TMEM178B: variants seen among roughly 807,000 people sequenced by gnomAD.
TMEM178B encodes transmembrane protein 178B.
In TMEM178B, 5 loss-of-function variants were observed where a neutral mutation model predicts 31.0. The ratio of observed to expected loss-of-function variants is 0.16; its 90% CI spans 0.08 to 0.34. The LOEUF (loss-of-function observed/expected upper bound fraction) is 0.34, where lower values mean the gene tolerates loss of function less well. Among genes scored for constraint, TMEM178B ranks in the 10% least tolerant of loss-of-function variants. The pLI, the probability that TMEM178B is intolerant of heterozygous loss-of-function variation, is 1.00. For missense variants in TMEM178B, 275 were observed against 400.3 expected (o/e 0.69, Z 2.67); for synonymous variants, 164 against 164.0 (o/e 1.00, Z 0.00).
At chr7:141,139,788 A>C (rs913708424) in intron 1 of TMEM178B, among the ~76,000 whole-genome samples, 2 of 150,238 alleles carry the variant, frequency 1.3e-5, no homozygotes, top group African/African-American at 4.9e-5. Flanking sequence ...TTTGAGACAG[A>C]GTCTCTCACT....
At chr7:141,157,351 C>T (rs945678300) in intron 1 of TMEM178B, among the ~76,000 whole-genome samples, 1 of 152,080 alleles carries the variant, frequency 6.6e-6, no homozygotes, top group Non-Finnish European at 1.5e-5. Context: ...GGAGCTTCCT[C>T]ATTTTATAGA....
At chr7:141,251,008 A>G (rs891094879) in intron 2 of TMEM178B, among the ~76,000 whole-genome samples, 7 of 151,968 alleles carry the variant, frequency 4.6e-5, no homozygotes, top group Non-Finnish European at 1.5e-5. Flanking sequence ...ATTCAACTCT[A>G]TGTTTCCCTA....
intron 1 of TMEM178B, among the ~76,000 whole-genome samples, chr7:141,170,312 A>G (rs1041387266): frequency 6.6e-6 from 1 of 152,228 alleles, no homozygotes; most frequent in Non-Finnish European, 1.5e-5. Flanking sequence ...CCTTCCATTT[A>G]TAATGAGTAA....
chr7:141,182,874 G>A (rs913294959), intron 1 of TMEM178B, among the ~76,000 whole-genome samples: 2 of 152,198 alleles, frequency 1.3e-5, no homozygotes, highest in African/African-American at 4.8e-5. Flanking sequence ...TAGCCATGCT[G>A]AACTGTGAAT....
intron 1 of TMEM178B, among the ~76,000 whole-genome samples, chr7:141,115,244 C>T (rs1402348741): frequency 6.6e-6 from 1 of 151,586 alleles, no homozygotes; most frequent in African/African-American, 2.4e-5. Flanking sequence ...GGCAGGGTTT[C>T]AGGCCAGGCT....
At chr7:141,097,701 A>G (rs1392702915) in intron 1 of TMEM178B, among the ~76,000 whole-genome samples, 2 of 151,998 alleles carry the variant, frequency 1.3e-5, no homozygotes, top group Admixed American at 1.3e-4. Flanking sequence ...TGATGTGTAC[A>G]GTACTTCTTA....
intron 2 of TMEM178B, among the ~76,000 whole-genome samples, chr7:141,404,189 C>T (rs908056009): frequency 2.0e-5 from 3 of 152,194 alleles, no homozygotes; most frequent in Non-Finnish European, 4.4e-5. Flanking sequence ...CCTGTAGTCC[C>T]AGCTACTCAG....
In TMEM178B at chr7:141,437,645, G is replaced by A. The variant is rs776267447; in HGVS notation, c.534G>A (p.Ala178=). ...TGACGGCTGGCTTCATGGGCATGGC[G>A]GTGGCCATCATCCTCTTTGGCTGGA... is the stretch of plus-strand genomic sequence containing the variant. ...RRMTAGFMGM[A]VAIILFGWII... Residue 178 remains alanine, a synonymous_variant, in exon 3 of 4, where the codon GCG becomes GCA. Transcript: ENST00000565468. The A allele has an allele frequency of 3.0e-5, 46 of 1,536,024 alleles. No homozygotes were observed. Among genetic ancestry groups the A allele is most frequent in the African/African-American group, 1.1e-4 (8 of 73,050 alleles).
intron 1 of TMEM178B, among the ~76,000 whole-genome samples, chr7:141,169,041 T>C (rs1445942227): frequency 6.6e-6 from 1 of 152,230 alleles, no homozygotes; most frequent in Non-Finnish European, 1.5e-5. Context: ...CTGAATATTT[T>C]ATGTGTTTAA....
intron 1 of TMEM178B, among the ~76,000 whole-genome samples, chr7:141,118,508 A>G (rs968907712): frequency 1.3e-5 from 2 of 152,224 alleles, no homozygotes; most frequent in African/African-American, 4.8e-5. Flanking sequence ...TATCCAGCGT[A>G]TAGTAAGTGG....
chr7:141,298,759 G>T (rs766437270), intron 2 of TMEM178B, among the ~76,000 whole-genome samples: 2 of 152,216 alleles, frequency 1.3e-5, no homozygotes, highest in African/African-American at 4.8e-5. Context: ...GTGAAAAGAG[G>T]ACCAATTCCT....
chr7:141,456,559 C>T (rs375256413), intron 3 of TMEM178B, among the ~76,000 whole-genome samples: 11 of 152,262 alleles, frequency 7.2e-5, no homozygotes, highest in Non-Finnish European at 1.2e-4. Context: ...GGGAGTGATG[C>T]GGCTTTCTTT....
chr7:141,356,993 A>G (rs1362735379), intron 2 of TMEM178B, among the ~76,000 whole-genome samples: 5 of 152,186 alleles, frequency 3.3e-5, no homozygotes, highest in Admixed American at 3.3e-4. Context: ...GGTGGATTGC[A>G]TTGTAATTTG....
chr7:141,497,356 CA>C, the TMEM178B span, among the ~76,000 whole-genome samples: 9 of 152,308 alleles, frequency 5.9e-5, no homozygotes, highest in South Asian at 4.2e-4. Flanking sequence ...CCTGTTGAAG[CA>C]ATCAGACAAT....
chr7:141,371,115 T>C (rs1800107099), intron 2 of TMEM178B, among the ~76,000 whole-genome samples: 2 of 152,238 alleles, frequency 1.3e-5, no homozygotes, highest in African/African-American at 4.8e-5. Context: ...GAAGTTACTG[T>C]GTACTACAGG....
intron 1 of TMEM178B, among the ~76,000 whole-genome samples, chr7:141,172,005 C>G (rs184967543): frequency 6.6e-6 from 1 of 152,290 alleles, no homozygotes; most frequent in African/African-American, 2.4e-5. Context: ...TACTATGAGA[C>G]AGGCACCGTA....
intron 2 of TMEM178B, among the ~76,000 whole-genome samples, chr7:141,223,479 C>CTTTTTTTTTTTTTTTT (rs10680431): frequency 3.7e-4 from 48 of 131,130 alleles, no homozygotes; most frequent in African/African-American, 1.2e-3. Flanking sequence ...TGTTTTCACT[C>CTTTTTTTTTTTTTTTT]TTTTTTTTTT....
At chr7:141,185,975 C>T (rs527905318) in intron 1 of TMEM178B, among the ~76,000 whole-genome samples, 7 of 152,256 alleles carry the variant, frequency 4.6e-5, no homozygotes, top group South Asian at 4.1e-4. Context: ...GGTCCTTGAT[C>T]GGCTCCTCCT....
intron 1 of TMEM178B, among the ~76,000 whole-genome samples, chr7:141,126,317 GA>G (rs779620840): frequency 2.6e-5 from 4 of 152,196 alleles, no homozygotes; most frequent in Non-Finnish European, 4.4e-5. Context: ...TGGAGGAGGT[GA>G]ATGGGAGATT....
Sources: allele counts gnomAD v4.1 joint callset (sites outside exome capture counted in the v4.1 genomes callset), GRCh38; gene constraint gnomAD v4.1.1; transcripts MANE v1.5; gene names NCBI Gene and HGNC (gene_info 2026-07-23, HGNC 2026-07-21).